The following CASP8 variants were observed in gnomAD, a reference collection of about 807,000 sequenced individuals.
The protein encoded by CASP8 is caspase-8.
Under a neutral mutation model 46.3 loss-of-function variants are expected in CASP8, and 24 were observed. That is an observed-to-expected ratio of 0.52 (90% CI 0.38 to 0.73). The LOEUF (loss-of-function observed/expected upper bound fraction) is 0.73. CASP8 is among the 30% of genes least tolerant of loss of function. The pLI, the probability that CASP8 is intolerant of heterozygous loss-of-function variation, is 0.00. For missense variants in CASP8, 460 were observed against 559.0 expected (o/e 0.82, Z 1.79); for synonymous variants, 188 against 200.4 (o/e 0.94, Z 0.52).
chr2:201,285,319 T>C lies in CASP8; in HGVS notation c.1304+2T>C, dbSNP rs768000891. 3.1e-6 allele frequency: 5 copies of C among 1,612,996 alleles called. No individual in the cohort carries two copies. Among genetic ancestry groups the C allele is most frequent in the Non-Finnish European group, 4.2e-6 (5 of 1,179,974 alleles). On this transcript the variant is annotated splice_donor_variant, in intron 8 of 8. Coordinates refer to ENST00000673742, the MANE Select transcript of CASP8 (RefSeq NM_001372051.1). LOFTEE classifies it high-confidence loss of function. ...GAGCCTGAGAGAGCGATGTCCTCGG[T>C]AAGTTTTGCCTACTCAGCCCTCCTC...
chr2:201,247,152 G>A (rs1281134252), intron 2 of CASP8, among the ~76,000 whole-genome samples: 2 of 132,482 alleles, frequency 1.5e-5, no homozygotes, highest in Non-Finnish European at 3.0e-5. Flanking sequence ...TCACACCACT[G>A]CACTCCAGGC....
chr2:201,268,084 G>A (rs1362387935), intron 2 of CASP8, among the ~76,000 whole-genome samples: 1 of 152,038 alleles, frequency 6.6e-6, no homozygotes, highest in African/African-American at 2.4e-5. Flanking sequence ...GTGCCACCAT[G>A]CCCAGCTAAT....
intron 1 of CASP8, among the ~76,000 whole-genome samples, chr2:201,262,633 T>G (rs897422207): frequency 1.3e-5 from 2 of 152,210 alleles, no homozygotes; most frequent in Non-Finnish European, 2.9e-5. Context: ...CTTTTTATAC[T>G]TCTCTGTACT....
rs1393666040 is a variant in CASP8, at chr2:201,266,050, G to A, written c.-26-411G>A. ...GCTGGAGTGCAGTGGTGCAATCTCCGCTCACTGCAACCTCCACCTCCTGGG... is the reference window on the plus strand; with the variant it reads ...GCTGGAGTGCAGTGGTGCAATCTCCACTCACTGCAACCTCCACCTCCTGGG... On this transcript the variant is annotated intron_variant, in intron 1 of 8. Transcript: ENST00000673742. The surrounding 1 kb of genome is among the most constrained non-coding windows in gnomAD (Gnocchi z 5.7). Among the ~76,000 whole-genome samples, 7 of 150,164 alleles carry A rather than the reference G, an allele frequency of 4.7e-5. No homozygotes were observed. The highest frequency in any genetic ancestry group is 9.9e-5 in the African/African-American group (4 of 40,580).
At chr2:201,271,952 ACT>A (rs1258661881) in intron 3 of CASP8, among the ~76,000 whole-genome samples, 1 of 150,968 alleles carries the variant, frequency 6.6e-6, no homozygotes, top group African/African-American at 2.4e-5. Flanking sequence ...GGGACCTGAA[ACT>A]CTGTGTGTAT....
intron 2 of CASP8, among the ~76,000 whole-genome samples, chr2:201,267,012 C>T (rs560557385): frequency 1.3e-5 from 2 of 151,582 alleles, no homozygotes; most frequent in Non-Finnish European, 2.9e-5. Flanking sequence ...TAAACAAAGG[C>T]GTGAGAGAGA....
rs758971363 is a variant in CASP8 at position 201,266,472 on chromosome 2, C to T, written c.-15C>T. The T allele has an allele frequency of 1.9e-6, 3 of 1,611,766 alleles. No homozygotes were observed. The highest frequency in any genetic ancestry group is 4.5e-5 in the East Asian group (2 of 44,862). On this transcript the variant is annotated 5_prime_UTR_variant, in exon 2 of 9. Coordinates refer to ENST00000673742, the MANE Select transcript of CASP8 (RefSeq NM_001372051.1). The surrounding 1 kb of genome is among the most constrained non-coding windows in gnomAD (Gnocchi z 5.7). ...TTATTTTGACTTAGATTATATTCTCCTGCCTTTTAAAAAGATGGACTTCAG... is the reference window on the plus strand; with the variant it reads ...TTATTTTGACTTAGATTATATTCTCTTGCCTTTTAAAAAGATGGACTTCAG...
intron 7 of CASP8, chr2:201,277,652 T>C (rs1025752750): frequency 2.5e-6 from 1 of 398,472 alleles, no homozygotes; most frequent in Non-Finnish European, 4.8e-6. Context: ...TTTAGAAAAT[T>C]AATGTAGACT....
chr2:201,248,971 A>G (rs1158181688), intron 2 of CASP8, among the ~76,000 whole-genome samples: 2 of 152,134 alleles, frequency 1.3e-5, no homozygotes, highest in Non-Finnish European at 2.9e-5. Flanking sequence ...GGCTCACTAC[A>G]ACCTCTGCCT....
intron 2 of CASP8, among the ~76,000 whole-genome samples, chr2:201,237,085 A>ATTTTTTTTTTT (rs34775964): frequency 2.3e-5 from 2 of 88,084 alleles, no homozygotes; most frequent in African/African-American, 9.3e-5. Context: ...ACCCCTTTCT[A>ATTTTTTTTTTT]TTTTTTTTTT....
At chr2:201,265,773 G>A (rs1167981539) in intron 1 of CASP8, among the ~76,000 whole-genome samples, 2 of 151,990 alleles carry the variant, frequency 1.3e-5, no homozygotes, top group Non-Finnish European at 2.9e-5. Flanking sequence ...TGAGCTCCTT[G>A]TGCCTGCCTG....
intron 8 of CASP8, among the ~76,000 whole-genome samples, chr2:201,285,955 T>C (rs953142050): frequency 6.6e-6 from 1 of 152,218 alleles, no homozygotes; most frequent in Non-Finnish European, 1.5e-5. Flanking sequence ...CCTGCAAGGT[T>C]TCCGCGGCTA....
upstream of CASP8, among the ~76,000 whole-genome samples, chr2:201,256,935 C>T (rs1401566484): frequency 3.9e-5 from 6 of 151,974 alleles, no homozygotes; most frequent in Admixed American, 6.6e-5. Flanking sequence ...CACCTGAGGT[C>T]GTGAGTTTGA....
intron 2 of CASP8, among the ~76,000 whole-genome samples, chr2:201,234,461 T>G (rs887971594): frequency 6.6e-6 from 1 of 152,138 alleles, no homozygotes; most frequent in African/African-American, 2.4e-5. Context: ...TTTTTATTTT[T>G]TTTTTTGAGA....
intron 2 of CASP8, among the ~76,000 whole-genome samples, chr2:201,238,096 C>T (rs1007282300): frequency 1.2e-4 from 18 of 152,156 alleles, no homozygotes; most frequent in African/African-American, 3.9e-4. Flanking sequence ...TGTGGATTCA[C>T]ACTTTGGAGA....
In CASP8 at chr2:201,277,115, T is replaced by C. The variant is rs36043647; in HGVS notation, c.802+147T>C. 0.05 allele frequency: 30,766 copies of C among 619,358 alleles called. 944 individuals carry two copies. The highest frequency in any genetic ancestry group is 0.084 in the Middle Eastern group (196 of 2,334). 38.4% of individuals were successfully genotyped at this position (619,358 alleles called of 1,614,324 possible). Reference sequence around the variant, plus strand: ...TATTTCCCTGTGGAGGTAAAGAACATTCTTATACATTTATCAGTTTCCTGC... The same window carrying C: ...TATTTCCCTGTGGAGGTAAAGAACACTCTTATACATTTATCAGTTTCCTGC... On this transcript the variant is annotated intron_variant, in intron 7 of 8. Coordinates refer to ENST00000673742, the MANE Select transcript of CASP8 (RefSeq NM_001372051.1).
At chr2:201,284,632 G>C (rs1229258178) in intron 7 of CASP8, among the ~76,000 whole-genome samples, 184 bp from the exon 8 acceptor site, 1 of 121,152 alleles carries the variant, frequency 8.3e-6, no homozygotes, top group Admixed American at 7.9e-5. Flanking sequence ...CAGCAGTACC[G>C]TCCAGCTTTG....
rs138430949 is a variant in CASP8, at chr2:201,260,539, C to T, written c.-101C>T. ...CTGTGCCCTTCCGTCCTTCATTAGA[C>T]GTTTGCTCTTGTCTTAGATGCTCAG... On this transcript the variant is annotated 5_prime_UTR_variant, in exon 1 of 9. It adds an upstream start codon to the 5' untranslated region. Transcript: ENST00000673742. 6.1e-5 allele frequency: 60 copies of T among 985,384 alleles called. No individual in the cohort carries two copies. In the South Asian group the frequency reaches 1.8e-3, roughly 29 times the overall value. The allele number at this position is 985,384 out of a possible 1,614,324, so 61.0% of individuals were successfully genotyped here.
chr2:201,261,324 G>A (rs1187930949), intron 1 of CASP8, among the ~76,000 whole-genome samples: 1 of 149,502 alleles, frequency 6.7e-6, no homozygotes, highest in African/African-American at 2.5e-5. Flanking sequence ...CTGGGAGGTG[G>A]AAGTTGTGGT....
Sources: allele counts gnomAD v4.1 joint callset (sites outside exome capture counted in the v4.1 genomes callset), GRCh38; gene constraint gnomAD v4.1.1; non-coding constraint Gnocchi (gnomAD v3.1); transcripts MANE v1.5; gene names NCBI Gene and HGNC (gene_info 2026-07-23, HGNC 2026-07-21).